The following TLE1 variants were observed in gnomAD, a reference collection of about 807,000 sequenced individuals.
The protein encoded by TLE1 is transducin-like enhancer protein 1.
A neutral mutation model predicts 89.8 loss-of-function variants in TLE1; 21 were observed. That is an observed-to-expected ratio of 0.23 (90% CI 0.17 to 0.34). TLE1 has a LOEUF of 0.34. TLE1 is among the 10% of genes least tolerant of loss of function. The pLI is 1.00. For synonymous variants in TLE1, 447 were observed against 407.6 expected, an observed-to-expected ratio of 1.10 and a Z score of -1.16; for missense variants, 795 against 1,031.2, an observed-to-expected ratio of 0.77 and a Z score of 3.14.
In TLE1 at chr9:81,590,927, C is replaced by T. The variant is rs758543014; in HGVS notation, c.1707G>A (p.Glu569=). ...AGCAGGCGGGGGCCGAGGACGTCAG[C>T]TCCGCCTTGATGCGCGGGGTTGGAG... ...LAAPTPRIKA[E]LTSSAPACYA... Residue 569 remains glutamate, a synonymous_variant, in exon 16 of 20, where the codon GAG becomes GAA. Coordinates refer to ENST00000376499, the MANE Select transcript of TLE1 (RefSeq NM_005077.5). The T allele has an allele frequency of 1.2e-6, 2 of 1,614,266 alleles. No individual in the cohort carries two copies. The highest frequency in any genetic ancestry group is 1.1e-5 in the South Asian group (1 of 91,088).
chr9:81,605,371 G>C (rs1234760247), intron 14 of TLE1, among the ~76,000 whole-genome samples: 1 of 152,042 alleles, frequency 6.6e-6, no homozygotes, highest in African/African-American at 2.4e-5. Flanking sequence ...AAATGGACTT[G>C]GATTTGGTAT....
At chr9:81,653,939 T>G (rs202220952) in intron 5 of TLE1, 35 bp downstream of exon 5, 37 of 1,598,294 alleles carry the variant, frequency 2.3e-5, no homozygotes, top group Non-Finnish European at 3.1e-5. Context: ...AGAAGCAACA[T>G]AATTGCACTT....
Position 81,620,499 on chromosome 9 carries a change from G to A in TLE1, c.653C>T (p.Pro218Leu), listed in dbSNP as rs1194895380. Residue 218 changes from proline (P) to leucine (L), a missense_variant, in exon 9 of 20, where the codon CCT becomes CTT. Pro to Leu is a moderately conservative substitution (Grantham distance 98). Transcript: ENST00000376499. ...LRGTDKRRNG[P>L]EFSNDIKKRK... ...TTTCTTGATGTCATTGGAAAATTCA[G>A]GTCCATTTCTGCGTTTATCTGTGCC... 3 of 1,613,878 alleles carry A rather than the reference G, an allele frequency of 1.9e-6. No homozygotes were observed. The highest frequency in any genetic ancestry group is 2.5e-6 in the Non-Finnish European group (3 of 1,179,984).
intron 6 of TLE1, 108 bp downstream of exon 6, chr9:81,652,106 T>TACACACACACATACACACACAC: frequency 1.4e-6 from 1 of 695,124 alleles, no homozygotes; most frequent in Admixed American, 2.5e-5. Flanking sequence ...AACGTTAAGA[T>TACACACACACATACACACACAC]ACACACACAC....
At chr9:81,649,980 T>C (rs1168784485) in intron 6 of TLE1, among the ~76,000 whole-genome samples, 1 of 152,038 alleles carries the variant, frequency 6.6e-6, no homozygotes, top group Non-Finnish European at 1.5e-5. Context: ...CATATACTAA[T>C]CCAAAAATTA....
Position 81,611,942 on chromosome 9 carries a change from G to A in TLE1, c.1081C>T (p.Pro361Ser). 1 of 1,467,070 alleles carries A rather than the reference G, an allele frequency of 6.8e-7. No homozygotes were observed. The highest frequency in any genetic ancestry group is 9.0e-7 in the Non-Finnish European group (1 of 1,110,006). 90.9% of individuals were successfully genotyped at this position (1,467,070 alleles called of 1,614,324 possible). A position where few individuals can be genotyped will look rare whatever the true frequency, so the allele number is the denominator to read the frequency against. ...GGATATGGGCCGGGCACTGCCAGGG[G>A]TGTCCTCAAGCCAGCTGCTGAAAGG... Reference protein sequence around the residue: ...VNQAAAGLRTPLAVPGPYPAP... With the variant: ...VNQAAAGLRTSLAVPGPYPAP... The change falls in exon 13 of 20, where the codon CCC becomes TCC. Residue 361 changes from proline to serine, a missense_variant. Pro to Ser is a moderately conservative substitution (Grantham distance 74). Transcript: ENST00000376499.
chr9:81,607,417 A>G (rs1015359942), intron 14 of TLE1, among the ~76,000 whole-genome samples: 1 of 152,154 alleles, frequency 6.6e-6, no homozygotes, highest in African/African-American at 2.4e-5. Context: ...CTAGCATCAC[A>G]GCTCACAGCT....
At chr9:81,678,096 A>G (rs1418733199) in intron 4 of TLE1, among the ~76,000 whole-genome samples, 1 of 152,244 alleles carries the variant, frequency 6.6e-6, no homozygotes, top group Non-Finnish European at 1.5e-5. Flanking sequence ...AAAAACTAAA[A>G]TAAATAGCTG....
At chr9:81,652,509 T>C (rs1829683858) in intron 5 of TLE1, among the ~76,000 whole-genome samples, 1 of 152,182 alleles carries the variant, frequency 6.6e-6, no homozygotes, top group South Asian at 2.1e-4. Flanking sequence ...TCACTACTTC[T>C]GGCTGTAAAT....
chr9:81,633,324 T>TGTGC (rs770986519), intron 8 of TLE1, 24 bp downstream of exon 8: 1 of 1,607,064 alleles, frequency 6.2e-7, no homozygotes, highest in Non-Finnish European at 8.5e-7. Context: ...TGTGTGTGTG[T>TGTGC]GCAGCAGGCG....
rs932364828 is a variant in TLE1, at chr9:81,584,098, T to C, written c.*100A>G. ...CTGTCAAGGTTTGGAAACAGGTGTT[T>C]GTAATTTTTTTTCTCTTTTAAAGTT... On this transcript the variant is annotated 3_prime_UTR_variant, in exon 20 of 20. Coordinates refer to ENST00000376499, the MANE Select transcript of TLE1 (RefSeq NM_005077.5). 6 of 1,066,516 alleles carry C rather than the reference T, an allele frequency of 5.6e-6. 1 individual carries two copies. In the Admixed American group the frequency reaches 8.1e-5, roughly 14 times the overall value. The allele number at this position is 1,066,516 out of a possible 1,614,324, so 66.1% of individuals were successfully genotyped here. A position where few individuals can be genotyped will look rare whatever the true frequency, so the allele number is the denominator to read the frequency against.
At chr9:81,674,729 C>G (rs1372427112) in intron 4 of TLE1, among the ~76,000 whole-genome samples, 2 of 152,162 alleles carry the variant, frequency 1.3e-5, no homozygotes, top group Non-Finnish European at 2.9e-5. Context: ...AATAAAATCT[C>G]AAGTGACAGT....
chr9:81,662,045 A>G (rs1830862657), intron 4 of TLE1, among the ~76,000 whole-genome samples: 1 of 152,342 alleles, frequency 6.6e-6, no homozygotes, highest in African/African-American at 2.4e-5. Context: ...CTAAGGAAAT[A>G]GTTCAAATGA....
At chr9:81,614,400 G>C (rs778200754) in intron 11 of TLE1, among the ~76,000 whole-genome samples, 2 of 152,176 alleles carry the variant, frequency 1.3e-5, no homozygotes, top group East Asian at 3.9e-4. Flanking sequence ...CACCAGTGCA[G>C]ATCAGAGACT....
chr9:81,688,629 G>C lies in TLE1; in HGVS notation c.-389C>G, dbSNP rs962488974. ...CCCCTCGGCGATCCGCGTGCGCGGC[G>C]CCAGTCCTGGGCAAACAAATCCAGA... On this transcript the variant is annotated 5_prime_UTR_variant, in exon 1 of 20. Transcript: ENST00000376499. The C allele has an allele frequency of 3.2e-5, 7 of 217,886 alleles. No homozygotes were observed. Among genetic ancestry groups the C allele is most frequent in the Non-Finnish European group, 6.3e-5 (7 of 111,808 alleles). 13.5% of individuals were successfully genotyped at this position (217,886 alleles called of 1,614,324 possible).
intron 7 of TLE1, 35 bp downstream of exon 7, chr9:81,634,062 G>A (rs1312957307): frequency 6.3e-7 from 1 of 1,581,194 alleles, no homozygotes; most frequent in Non-Finnish European, 8.6e-7. Flanking sequence ...AGAGTATGAG[G>A]ACAAAGTCCT....
Position 81,585,504 on chromosome 9 carries a change from C to T in TLE1, c.2128+1G>A. On this transcript the variant is annotated splice_donor_variant, in intron 18 of 19. Coordinates refer to ENST00000376499, the MANE Select transcript of TLE1 (RefSeq NM_005077.5). LOFTEE classifies it high-confidence loss of function. ...TCCAGTTTCCTTTCGGCTGAACTCA[C>T]CACAGTAAGCAAATTTCAGGGACAG... 6.2e-7 allele frequency: 1 copy of T among 1,613,094 alleles called. No individual in the cohort carries two copies. Among genetic ancestry groups the T allele is most frequent in the Non-Finnish European group, 8.5e-7 (1 of 1,179,668 alleles).
intron 15 of TLE1, among the ~76,000 whole-genome samples, chr9:81,591,439 T>C (rs769327630): frequency 4.6e-5 from 7 of 152,234 alleles, no homozygotes; most frequent in African/African-American, 9.6e-5. Context: ...GTCTTCGTTA[T>C]GCTGAGCACA....
intron 6 of TLE1, among the ~76,000 whole-genome samples, chr9:81,648,957 C>T (rs1483280017): frequency 6.6e-6 from 1 of 152,140 alleles, no homozygotes; most frequent in East Asian, 1.9e-4. Flanking sequence ...AAACCTTGTA[C>T]ATATTTTGTA....
Sources: allele counts gnomAD v4.1 joint callset (sites outside exome capture counted in the v4.1 genomes callset), GRCh38; gene constraint gnomAD v4.1.1; transcripts MANE v1.5; gene names NCBI Gene and HGNC (gene_info 2026-07-23, HGNC 2026-07-21).